Variants in ABCA1 observed in about 807,000 individuals in gnomAD.
ABCA1 encodes the protein ATP binding cassette subfamily A member 1, also known as phospholipid-transporting ATPase ABCA1.
ABCA1 carries 133 observed loss-of-function variants against 262.5 expected under a neutral mutation model. The observed-to-expected ratio is 0.51, with a 90% confidence interval of 0.44 to 0.59. The LOEUF (loss-of-function observed/expected upper bound fraction) is 0.59, where lower values mean the gene tolerates loss of function less well. Ranked by LOEUF, ABCA1 falls within the 20% of genes least tolerant of loss-of-function variation. The pLI, the probability that ABCA1 is intolerant of heterozygous loss-of-function variation, is 0.00. For missense variants in ABCA1, 2,452 were observed against 2,777.5 expected (o/e 0.88, Z 2.63); for synonymous variants, 1,022 against 1,043.5 (o/e 0.98, Z 0.40).
At chr9:104,908,704 A>T (rs1006592815) in intron 1 of ABCA1, among the ~76,000 whole-genome samples, 2 of 152,202 alleles carry the variant, frequency 1.3e-5, no homozygotes, top group African/African-American at 4.8e-5. Flanking sequence ...ACTCAGCCAT[A>T]AAAAGGAATA....
At chr9:104,793,090 C>A (rs1829568675) in intron 41 of ABCA1, 81 bp downstream of exon 41, 1 of 1,597,032 alleles carries the variant, frequency 6.3e-7, no homozygotes. Flanking sequence ...TTCAATGCAA[C>A]CCCCATTGGT....
At chr9:104,812,225 T>C (rs1056315362) in intron 28 of ABCA1, among the ~76,000 whole-genome samples, 4 of 152,238 alleles carry the variant, frequency 2.6e-5, no homozygotes, top group Non-Finnish European at 5.9e-5. Flanking sequence ...TTCTACACTT[T>C]GTCCTTTTTA....
chr9:104,799,376 T>A (rs1441264628), intron 36 of ABCA1: 5 of 872,384 alleles, frequency 5.7e-6, no homozygotes, highest in Middle Eastern at 1.2e-3. Flanking sequence ...TTAAACTAGC[T>A]CATCCTGGCT....
At position 104,832,640 on chromosome 9, in the gene ABCA1, C is replaced by T. The variant is rs1350129644; in HGVS notation, c.1443G>A (p.Val481=). 1.2e-6 allele frequency: 2 copies of T among 1,614,166 alleles called. No homozygotes were observed. Among genetic ancestry groups the T allele is most frequent in the East Asian group, 4.5e-5 (2 of 44,882 alleles). Residue 481 remains valine, a synonymous_variant, in exon 12 of 50, where the codon GTG becomes GTA. Coordinates refer to ENST00000374736, the MANE Select transcript of ABCA1 (RefSeq NM_005502.4). ...CGTTGAAAGCTTCTCTCCAGGTGTA[C>T]ACAGAACCATTACTGGACTGGACAT... ...PEDVQSSNGS[V]YTWREAFNET...
At chr9:104,901,782 T>C (rs1840685744) in intron 2 of ABCA1, among the ~76,000 whole-genome samples, 1 of 152,198 alleles carries the variant, frequency 6.6e-6, no homozygotes, top group Admixed American at 6.5e-5. Context: ...TCCTTGTTAG[T>C]GGTGTGGACC....
chr9:104,871,015 C>T (rs1837558986), intron 5 of ABCA1, among the ~76,000 whole-genome samples: 1 of 152,174 alleles, frequency 6.6e-6, no homozygotes, highest in Non-Finnish European at 1.5e-5. Flanking sequence ...TTTTGTGATT[C>T]TTCAGTTACT....
At chr9:104,904,958 C>T (rs895612699) in intron 1 of ABCA1, among the ~76,000 whole-genome samples, 2 of 152,094 alleles carry the variant, frequency 1.3e-5, no homozygotes, top group African/African-American at 4.8e-5. Flanking sequence ...TCTGTGTATC[C>T]CAGCCACCCA....
chr9:104,870,378 T>C (rs1290877842), intron 5 of ABCA1, among the ~76,000 whole-genome samples: 1 of 152,104 alleles, frequency 6.6e-6, no homozygotes, highest in African/African-American at 2.4e-5. Context: ...GGCCAGAGGG[T>C]CGGGTGAGCA....
intron 1 of ABCA1, among the ~76,000 whole-genome samples, chr9:104,912,782 T>C (rs1209037508): frequency 6.6e-6 from 1 of 151,980 alleles, no homozygotes; most frequent in East Asian, 1.9e-4. Flanking sequence ...GAATCTTTCC[T>C]CTAGAAAAGA....
chr9:104,793,256 G>A lies in ABCA1; in HGVS notation c.5551C>T (p.Arg1851Ter), dbSNP rs1262486352. 2.5e-6 allele frequency: 4 copies of A among 1,614,022 alleles called. No individual in the cohort carries two copies. The highest frequency in any genetic ancestry group is 1.1e-5 in the South Asian group (1 of 91,072). ...VSPLSWDLVG[R>*]NLFAMAVEGV... ...TCCACGGCCATGGCGAAGAGGTTTC[G>A]TCCCACCAAGTCCCAAGATAATGGT... Residue 1851 changes from arginine to a stop codon, truncating the protein, a stop_gained, in exon 41 of 50, where the codon CGA becomes TGA. Transcript: ENST00000374736. LOFTEE classifies it high-confidence loss of function.
intron 5 of ABCA1, among the ~76,000 whole-genome samples, chr9:104,879,073 TA>T (rs760244801): frequency 1.2e-3 from 176 of 142,988 alleles, no homozygotes; most frequent in Middle Eastern, 3.6e-3. Context: ...GGCTCTGTCT[TA>T]AAAAAAAAAA....
intron 16 of ABCA1, 56 bp downstream of exon 16, chr9:104,826,892 A>G: frequency 6.7e-7 from 1 of 1,491,540 alleles, no homozygotes; most frequent in Non-Finnish European, 9.3e-7. Flanking sequence ...TTATTCAGGG[A>G]CTCCAAAGGA....
At chr9:104,857,810 A>T (rs1391624317) in intron 7 of ABCA1, among the ~76,000 whole-genome samples, 1 of 152,198 alleles carries the variant, frequency 6.6e-6, no homozygotes, top group Non-Finnish European at 1.5e-5. Flanking sequence ...GAAAACCAGA[A>T]TCCTGGATAT....
chr9:104,822,283 G>C (rs1246383753), intron 19 of ABCA1, among the ~76,000 whole-genome samples: 1 of 152,206 alleles, frequency 6.6e-6, no homozygotes, highest in Non-Finnish European at 1.5e-5. Flanking sequence ...GGTCATCTGA[G>C]GCCCCAGCTT....
intron 3 of ABCA1, among the ~76,000 whole-genome samples, chr9:104,885,250 TAAATA>T (rs780673197): frequency 4.6e-5 from 7 of 151,884 alleles, no homozygotes; most frequent in African/African-American, 7.3e-5. Flanking sequence ...AAAATAAAAA[TAAATA>T]AAATAAGATA....
chr9:104,831,771 CTTG>C lies in ABCA1; in HGVS notation c.1563_1565del (p.Asn521del). On this transcript the variant is annotated inframe_deletion, in exon 13 of 50. Coordinates refer to ENST00000374736, the MANE Select transcript of ABCA1 (RefSeq NM_005502.4). ...TCCTCTCATCCAGCAGCTCCATGGA[CTTG>C]TTGATGAGCCAGACTTCTGTTGCTA... 6.2e-7 allele frequency: 1 copy of C among 1,614,194 alleles called. No homozygotes were observed. Among genetic ancestry groups the C allele is most frequent in the Non-Finnish European group, 8.5e-7 (1 of 1,180,040 alleles).
At chr9:104,849,140 C>T (rs919511073) in intron 7 of ABCA1, among the ~76,000 whole-genome samples, 4 of 152,184 alleles carry the variant, frequency 2.6e-5, no homozygotes, top group African/African-American at 9.7e-5. Flanking sequence ...AATTTCTTAA[C>T]TCTGGAGCAA....
chr9:104,828,380 C>T (rs1021113244), intron 15 of ABCA1, among the ~76,000 whole-genome samples: 1 of 152,174 alleles, frequency 6.6e-6, no homozygotes, highest in Admixed American at 6.5e-5. Context: ...CTAGAGTGCC[C>T]CACGGGGTTG....
chr9:104,846,599 T>C (rs1834913911), intron 7 of ABCA1, among the ~76,000 whole-genome samples: 1 of 152,204 alleles, frequency 6.6e-6, no homozygotes, highest in African/African-American at 2.4e-5. Flanking sequence ...GAATTCCAAA[T>C]GCAGAAGGGA....
Sources: allele counts gnomAD v4.1 joint callset (sites outside exome capture counted in the v4.1 genomes callset), GRCh38; gene constraint gnomAD v4.1.1; transcripts MANE v1.5; gene names NCBI Gene and HGNC (gene_info 2026-07-23, HGNC 2026-07-21).